ZNF726: variants seen among roughly 807,000 people sequenced by gnomAD.
The protein encoded by ZNF726 is zinc finger protein 726.
ZNF726 carries 15 observed loss-of-function variants against 11.6 expected under a neutral mutation model. The observed-to-expected ratio is 1.29, with a 90% CI of 0.86 to 1.99. The LOEUF (loss-of-function observed/expected upper bound fraction) is 1.99, where lower values mean the gene tolerates loss of function less well. ZNF726 is among the 30% of genes most tolerant of loss of function. The probability of loss-of-function intolerance (pLI) is 0.00; values close to 1 mark genes in which losing one functional copy is unlikely to be tolerated. For missense variants in ZNF726, 890 were observed against 725.6 expected (o/e 1.23, Z -2.60); for synonymous variants, 295 against 243.6 (o/e 1.21, Z -1.96).
chr19:23,915,767 GACGGGGGTTTC>G (rs1967683645), intron 1 of ZNF726, among the ~76,000 whole-genome samples: 1 of 151,884 alleles, frequency 6.6e-6, no homozygotes, highest in African/African-American at 2.4e-5. Flanking sequence ...TTTTAGCGGA[GACGGGGGTTTC>G]ACCGTGTTGG....
intron 1 of ZNF726, among the ~76,000 whole-genome samples, chr19:23,916,505 A>G (rs897744521): frequency 6.6e-6 from 1 of 151,980 alleles, no homozygotes; most frequent in African/African-American, 2.4e-5. Flanking sequence ...TAATTTTTGT[A>G]GTTTTAGTAG....
intron 3 of ZNF726, among the ~76,000 whole-genome samples, chr19:23,929,974 A>G (rs992261733): frequency 6.6e-6 from 1 of 152,092 alleles, no homozygotes; most frequent in African/African-American, 2.4e-5. Flanking sequence ...AGCAGTTCTT[A>G]CTATATGTAG....
intron 3 of ZNF726, among the ~76,000 whole-genome samples, chr19:23,926,051 T>A (rs1377709671): frequency 6.6e-6 from 1 of 152,166 alleles, no homozygotes; most frequent in Non-Finnish European, 1.5e-5. Context: ...TTTTGAATAT[T>A]GACTCCCATC....
At chr19:23,935,446 T>C (rs1467567088), downstream of ZNF726, 4 of 516,000 alleles carry the variant, frequency 7.8e-6, 1 homozygote, top group Admixed American at 2.0e-5. Context: ...ATAACTCATA[T>C]TGGAGAGAAA....
chr19:23,943,039 G>A (rs1453146537), intron 3 of ZNF726, among the ~76,000 whole-genome samples: 1 of 152,084 alleles, frequency 6.6e-6, no homozygotes, highest in East Asian at 1.9e-4. Flanking sequence ...GGAAGGTGAG[G>A]GGAATGGAGT....
rs200450994 is a variant in ZNF726, at chr19:23,914,955, G to A, written c.-40G>A. The A allele has an allele frequency of 6.2e-7, 1 of 1,613,320 alleles. No homozygotes were observed. Among genetic ancestry groups the A allele is most frequent in the Non-Finnish European group, 8.5e-7 (1 of 1,179,970 alleles). On this transcript the variant is annotated 5_prime_UTR_variant, in exon 1 of 4. Coordinates refer to ENST00000594466, the MANE Select transcript of ZNF726 (RefSeq NM_001244038.2). ...TGTGTCTTCTGCTTTTAGGGGCGCA[G>A]CCTCTGTGGCCCTGTGACCTGCCCC...
chr19:23,927,444 A>G (rs1968012818), intron 3 of ZNF726, among the ~76,000 whole-genome samples: 2 of 152,138 alleles, frequency 1.3e-5, no homozygotes, highest in African/African-American at 4.8e-5. Context: ...CAGACAACAC[A>G]AAGTGTGTAA....
At chr19:23,937,101 C>A (rs1272646374), downstream of ZNF726, among the ~76,000 whole-genome samples, 4 of 150,354 alleles carry the variant, frequency 2.7e-5, no homozygotes, top group East Asian at 6.2e-4. Flanking sequence ...CCCCCCCCAC[C>A]TCCCTCCCGG....
At chr19:23,927,701 C>G (rs975413931) in intron 3 of ZNF726, 6 of 152,280 alleles carry the variant, frequency 3.9e-5, no homozygotes, top group African/African-American at 1.4e-4. Flanking sequence ...AGGCTGGCCT[C>G]AAACTTTTAA....
At chr19:23,936,026 G>A (rs532919315), downstream of ZNF726, 3 of 152,222 alleles carry the variant, frequency 2.0e-5, no homozygotes, top group South Asian at 4.2e-4. Context: ...AAAACCCTGA[G>A]GCAGTTATTA....
chr19:23,925,867 C>T (rs530733573), intron 3 of ZNF726, among the ~76,000 whole-genome samples: 1 of 151,718 alleles, frequency 6.6e-6, no homozygotes, highest in Non-Finnish European at 1.5e-5. Flanking sequence ...CAGGCGTGTG[C>T]CACCATGCCT....
At chr19:23,930,394 A>G (rs1968078769) in intron 3 of ZNF726, among the ~76,000 whole-genome samples, 1 of 151,846 alleles carries the variant, frequency 6.6e-6, no homozygotes, top group Non-Finnish European at 1.5e-5. Flanking sequence ...GGAAGTTTAT[A>G]TTTTTATGTT....
chr19:23,930,601 G>A (rs931596625), intron 3 of ZNF726, among the ~76,000 whole-genome samples: 6 of 151,820 alleles, frequency 4.0e-5, no homozygotes, highest in Non-Finnish European at 8.8e-5. Flanking sequence ...TGTTATCCTT[G>A]TATTTTTTTA....
chr19:23,937,143 C>G (rs865825978), downstream of ZNF726, among the ~76,000 whole-genome samples: 14 of 150,032 alleles, frequency 9.3e-5, no homozygotes, highest in Middle Eastern at 3.5e-3. Flanking sequence ...GGGGGCTGAC[C>G]CCCCCACCTC....
downstream of ZNF726, chr19:23,936,073 A>G (rs191437327): frequency 2.2e-4 from 33 of 152,350 alleles, no homozygotes; most frequent in African/African-American, 7.5e-4. Context: ...ATATTGAAGA[A>G]AACCCTGCAA....
intron 4 of ZNF726, chr19:23,944,280 A>T (rs147584807): frequency 6.6e-6 from 1 of 152,144 alleles, no homozygotes; most frequent in East Asian, 1.9e-4. Flanking sequence ...CTTTTCTTGT[A>T]TATATGGTTT....
chr19:23,936,305 A>G (rs1474386547), downstream of ZNF726: 1 of 152,254 alleles, frequency 6.6e-6, no homozygotes, highest in Admixed American at 6.5e-5. Context: ...AAATAATACA[A>G]ACTAAAGTTC....
chr19:23,929,493 G>A (rs937994772), intron 3 of ZNF726, among the ~76,000 whole-genome samples: 4 of 152,140 alleles, frequency 2.6e-5, no homozygotes, highest in African/African-American at 9.7e-5. Context: ...AAAGCCTTCA[G>A]ATTTCATGAG....
chr19:23,935,591 TC>T (rs1968216957), downstream of ZNF726: 2 of 313,308 alleles, frequency 6.4e-6, no homozygotes, highest in Non-Finnish European at 1.3e-5. Context: ...CTCAAACTTT[TC>T]TAAACAAAAT....
Sources: allele counts gnomAD v4.1 joint callset (sites outside exome capture counted in the v4.1 genomes callset), GRCh38; gene constraint gnomAD v4.1.1; transcripts MANE v1.5; gene names NCBI Gene and HGNC (gene_info 2026-07-23, HGNC 2026-07-21).